The following CCDC88A variants were observed in gnomAD, a reference collection of about 807,000 sequenced individuals.
CCDC88A encodes the protein coiled-coil and HOOK domain protein 88A, also known as girdin.
In CCDC88A, 54 loss-of-function variants were observed where a neutral mutation model predicts 234.3. The ratio of observed to expected loss-of-function variants is 0.23; its 90% confidence interval spans 0.19 to 0.29. The LOEUF (loss-of-function observed/expected upper bound fraction) is 0.29, where lower values mean the gene tolerates loss of function less well. Among genes scored for constraint, CCDC88A ranks in the 10% least tolerant of loss-of-function variants. The pLI is 1.00. For synonymous variants in CCDC88A, 753 were observed against 737.8 expected, an observed-to-expected ratio of 1.02 and a Z score of -0.33; for missense variants, 1,832 against 2,123.4, an observed-to-expected ratio of 0.86 and a Z score of 2.70.
chr2:55,403,191 A>C (rs1679005647), intron 2 of CCDC88A, among the ~76,000 whole-genome samples: 1 of 152,226 alleles, frequency 6.6e-6, no homozygotes. Flanking sequence ...CTGTCTGCCC[A>C]GTACTCAAGT....
intron 19 of CCDC88A, among the ~76,000 whole-genome samples, chr2:55,318,312 T>C (rs781608966): frequency 1.3e-5 from 2 of 152,142 alleles, no homozygotes; most frequent in Non-Finnish European, 2.9e-5. Context: ...AAGAAAAGGG[T>C]TACAGAAAGA....
In CCDC88A at chr2:55,290,426, G is replaced by A. The variant is rs995167203; in HGVS notation, c.*774C>T. Reference sequence around the variant, plus strand: ...CAGCTTTATCTTGGGAATGCCATTTGCTGAAAAACCATCTTACTAAAAAAA... The same window carrying A: ...CAGCTTTATCTTGGGAATGCCATTTACTGAAAAACCATCTTACTAAAAAAA... On this transcript the variant is annotated 3_prime_UTR_variant, in exon 33 of 33. Coordinates refer to ENST00000436346, the MANE Select transcript of CCDC88A (RefSeq NM_001365480.1). 1 of 151,940 alleles carries A rather than the reference G, an allele frequency of 6.6e-6. No individual in the cohort carries two copies. Among genetic ancestry groups the A allele is most frequent in the African/African-American group, 2.4e-5 (1 of 41,394 alleles). 9.4% of individuals were successfully genotyped at this position (151,940 alleles called of 1,614,324 possible). A position where few individuals can be genotyped will look rare whatever the true frequency, so the allele number is the denominator to read the frequency against.
At position 55,335,254 on chromosome 2, in the gene CCDC88A, CAAAA is replaced by C; in HGVS notation, c.1657-94_1657-91del. On this transcript the variant is annotated intron_variant, in intron 14 of 32. Coordinates refer to ENST00000436346, the MANE Select transcript of CCDC88A (RefSeq NM_001365480.1). The surrounding 1 kb of genome is among the most constrained non-coding windows in gnomAD (Gnocchi z 4.5). Reference sequence around the variant, plus strand: ...CCAAAAACTACCAAGAAAAGGGGAACAAAAAAAGGGTGCTAGAACATGTCTTACT... The same window carrying C: ...CCAAAAACTACCAAGAAAAGGGGAACAAAGGGTGCTAGAACATGTCTTACT... The C allele has an allele frequency of 1.3e-6, 1 of 778,144 alleles. No individual in the cohort carries two copies. The allele number at this position is 778,144 out of a possible 1,614,324, so 48.2% of individuals were successfully genotyped here. A position where few individuals can be genotyped will look rare whatever the true frequency, so the allele number is the denominator to read the frequency against.
At chr2:55,367,264 T>C (rs1043427444) in intron 5 of CCDC88A, among the ~76,000 whole-genome samples, 12 of 152,186 alleles carry the variant, frequency 7.9e-5, no homozygotes, top group African/African-American at 2.9e-4. Context: ...GGAGTCATCA[T>C]TTAATGGGTA....
intron 21 of CCDC88A, chr2:55,316,751 T>C (rs1683034736): frequency 6.6e-6 from 1 of 152,102 alleles, no homozygotes; most frequent in Admixed American, 6.6e-5. Flanking sequence ...TCTTTTTTTT[T>C]TGGAGATGGA....
intron 17 of CCDC88A, chr2:55,323,135 C>A (rs1683838056): frequency 6.6e-6 from 1 of 152,312 alleles, no homozygotes; most frequent in Non-Finnish European, 1.5e-5. Context: ...ATTACAATCA[C>A]ACTAGAAAAT....
intron 29 of CCDC88A, among the ~76,000 whole-genome samples, chr2:55,299,554 C>CA (rs1318243695): frequency 6.6e-6 from 1 of 151,920 alleles, no homozygotes; most frequent in Non-Finnish European, 1.5e-5. Context: ...GACAAAATGT[C>CA]AGTAAAATAA....
chr2:55,314,960 C>G (rs1682803447), intron 22 of CCDC88A: 1 of 152,160 alleles, frequency 6.6e-6, no homozygotes. Flanking sequence ...ACATTTGACC[C>G]AAATTGTGAG....
At chr2:55,390,894 C>T (rs544334293) in intron 2 of CCDC88A, among the ~76,000 whole-genome samples, 1 of 152,276 alleles carries the variant, frequency 6.6e-6, no homozygotes, top group Admixed American at 6.5e-5. Context: ...AATCCCAGGA[C>T]TTTGGGAAGC....
At chr2:55,297,416 ATTT>A (rs1200730594) in intron 29 of CCDC88A, among the ~76,000 whole-genome samples, 2 of 36,928 alleles carry the variant, frequency 5.4e-5, no homozygotes, top group Non-Finnish European at 1.5e-4. Context: ...ATATGTGTGT[ATTT>A]TTTTTTTTTG....
At chr2:55,412,157 A>G (rs1680609434) in intron 2 of CCDC88A, among the ~76,000 whole-genome samples, 1 of 152,208 alleles carries the variant, frequency 6.6e-6, no homozygotes, top group Non-Finnish European at 1.5e-5. Flanking sequence ...GCTAGGTGCT[A>G]GTGATACATG....
intron 2 of CCDC88A, among the ~76,000 whole-genome samples, chr2:55,416,435 AATAAATAAATATATATATATAT>A (rs1220589812): frequency 6.8e-5 from 2 of 29,626 alleles, no homozygotes; most frequent in African/African-American, 2.2e-4. Flanking sequence ...CAAATAAATA[AATAAATAAATATATATATATAT>A]ATATATATAT....
At chr2:55,411,897 C>T (rs1680562364) in intron 2 of CCDC88A, among the ~76,000 whole-genome samples, 1 of 151,876 alleles carries the variant, frequency 6.6e-6, no homozygotes, top group South Asian at 2.1e-4. Context: ...AAATCTTGCT[C>T]CTATCACCTT....
At chr2:55,373,844 T>G (rs1389288516) in intron 4 of CCDC88A, among the ~76,000 whole-genome samples, 2 of 152,196 alleles carry the variant, frequency 1.3e-5, no homozygotes, top group Non-Finnish European at 2.9e-5. Context: ...TTGTTTTGAC[T>G]GAGAGGGGGT....
intron 29 of CCDC88A, 74 bp downstream of exon 29, chr2:55,299,765 A>G (rs1680654584): frequency 2.1e-6 from 2 of 957,074 alleles, no homozygotes; most frequent in Admixed American, 4.2e-5. Flanking sequence ...TTTACCCCAG[A>G]AACTTCATCC....
intron 2 of CCDC88A, chr2:55,394,039 G>C (rs1299067526): frequency 6.6e-6 from 1 of 152,042 alleles, no homozygotes; most frequent in Non-Finnish European, 1.5e-5. Flanking sequence ...GCTCACTGCA[G>C]CCTTTAACTT....
In CCDC88A at chr2:55,349,524, T is replaced by C; in HGVS notation, c.876A>G (p.Gln292=). The C allele has an allele frequency of 1.9e-6, 3 of 1,610,084 alleles. No homozygotes were observed. Among genetic ancestry groups the C allele is most frequent in the Non-Finnish European group, 2.5e-6 (3 of 1,177,234 alleles). Residue 292 remains glutamine, a synonymous_variant, in exon 9 of 33, where the codon CAA becomes CAG. Transcript: ENST00000436346. ...AGATATTCCAGGTACAAACCTCTTGTTGCAGCCTTTTGAGTTCTATTTCCA... is the reference window on the plus strand; with the variant it reads ...AGATATTCCAGGTACAAACCTCTTGCTGCAGCCTTTTGAGTTCTATTTCCA... The part of the protein sequence containing the change: ...EQMEIELKRL[Q]QENMNLLSDA...
At position 55,309,646 on chromosome 2, in the gene CCDC88A, G is replaced by A. The variant is rs1682072332; in HGVS notation, c.4080-392C>T. ...AGAACCATTTCCTGACTCCAGCAAT[G>A]CATGAGTCATCGCATCCTAGTCTCA... On this transcript the variant is annotated intron_variant, in intron 23 of 32. Coordinates refer to ENST00000436346, the MANE Select transcript of CCDC88A (RefSeq NM_001365480.1). The surrounding 1 kb of genome is among the most constrained non-coding windows in gnomAD (Gnocchi z 5.1). 6.6e-6 allele frequency among the ~76,000 whole-genome samples: 1 copy of A among 152,056 alleles called. No individual in the cohort carries two copies. Among genetic ancestry groups the A allele is most frequent in the Non-Finnish European group, 1.5e-5 (1 of 68,004 alleles).
At chr2:55,390,053 A>AAAAAAAT (rs377022377) in intron 2 of CCDC88A, among the ~76,000 whole-genome samples, 3 of 79,770 alleles carry the variant, frequency 3.8e-5, no homozygotes, top group South Asian at 4.1e-4. Flanking sequence ...AAAAAAATAA[A>AAAAAAAT]AAATAAAGAT....
Sources: gnomAD v4.1 joint callset for allele counts (sites outside exome capture counted in the v4.1 genomes callset) on GRCh38, gnomAD v4.1.1 for gene constraint, Gnocchi (gnomAD v3.1) non-coding constraint, MANE v1.5 for transcripts, NCBI Gene and HGNC (gene_info 2026-07-23, HGNC 2026-07-21) for gene names.